MAGI1: variants seen among roughly 807,000 people sequenced by gnomAD.
The protein encoded by MAGI1 is membrane-associated guanylate kinase, WW and PDZ domain-containing protein 1.
A neutral mutation model predicts 139.9 loss-of-function variants in MAGI1; 58 were observed. That is an observed-to-expected ratio of 0.41 (90% confidence interval 0.34 to 0.52). MAGI1 has a LOEUF of 0.52. Ranked by LOEUF, MAGI1 falls within the 20% of genes least tolerant of loss-of-function variation. MAGI1 has a pLI of 0.12. For synonymous variants in MAGI1, 812 were observed against 737.9 expected (o/e 1.10, Z -1.63); for missense variants, 1,874 against 1,901.6 (o/e 0.99, Z 0.27).
chr3:65,453,197 A>G, intron 6 of MAGI1, 61 bp downstream of exon 6: 1 of 1,472,394 alleles, frequency 6.8e-7, no homozygotes, highest in Non-Finnish European at 9.5e-7. Flanking sequence ...GACTCTTTAA[A>G]ATTTGCACAT....
At chr3:65,939,004 T>C (rs1401418424) in intron 1 of MAGI1, among the ~76,000 whole-genome samples, 7 of 152,162 alleles carry the variant, frequency 4.6e-5, no homozygotes, top group African/African-American at 1.2e-4. Context: ...CCTCAGCCAC[T>C]AGAGTAAAAC....
chr3:65,596,293 C>T (rs2082192290), intron 2 of MAGI1, among the ~76,000 whole-genome samples: 1 of 152,122 alleles, frequency 6.6e-6, no homozygotes, highest in South Asian at 2.1e-4. Context: ...AGTCACAATG[C>T]CCTCATGCAA....
intron 2 of MAGI1, among the ~76,000 whole-genome samples, chr3:65,607,304 C>T (rs1160541873): frequency 6.6e-6 from 1 of 151,738 alleles, no homozygotes; most frequent in African/African-American, 2.4e-5. Context: ...CTACAGGTCA[C>T]ACCACTCCCT....
At chr3:66,010,215 C>T (rs532567614) in intron 1 of MAGI1, among the ~76,000 whole-genome samples, 61 of 151,572 alleles carry the variant, frequency 4.0e-4, no homozygotes, top group African/African-American at 1.4e-3. Flanking sequence ...CACAATAACA[C>T]TATGAAATGG....
intron 1 of MAGI1, among the ~76,000 whole-genome samples, chr3:65,741,238 G>A (rs1278446712): frequency 4.6e-5 from 7 of 151,366 alleles, no homozygotes; most frequent in Admixed American, 3.3e-4. Flanking sequence ...GCAGTGGCGC[G>A]ATCTCGGCTC....
At chr3:65,457,594 T>C (rs1292764740) in intron 5 of MAGI1, among the ~76,000 whole-genome samples, 1 of 152,162 alleles carries the variant, frequency 6.6e-6, no homozygotes, top group African/African-American at 2.4e-5. Context: ...AAATTATATT[T>C]TATTTTTGAT....
intron 1 of MAGI1, among the ~76,000 whole-genome samples, chr3:65,898,651 T>G (rs1038103654): frequency 6.6e-6 from 1 of 152,120 alleles, no homozygotes; most frequent in African/African-American, 2.4e-5. Flanking sequence ...CAAAATATAC[T>G]GACATAGAAA....
intron 1 of MAGI1, among the ~76,000 whole-genome samples, chr3:65,769,582 A>G (rs1237484054): frequency 6.6e-6 from 1 of 152,190 alleles, no homozygotes; most frequent in Non-Finnish European, 1.5e-5. Context: ...TACAAGCTGC[A>G]ATTTCACAGC....
At chr3:65,620,432 C>A (rs2083602656) in intron 2 of MAGI1, among the ~76,000 whole-genome samples, 1 of 152,112 alleles carries the variant, frequency 6.6e-6, no homozygotes, top group African/African-American at 2.4e-5. Flanking sequence ...GGAGGAATGC[C>A]TGACAGTGCA....
At chr3:65,809,889 G>GT (rs1269235426) in intron 1 of MAGI1, among the ~76,000 whole-genome samples, 14 of 151,922 alleles carry the variant, frequency 9.2e-5, no homozygotes, top group Non-Finnish European at 1.0e-4. Flanking sequence ...TTCCTCTCTA[G>GT]TGCCCTGCTA....
Position 65,447,579 on chromosome 3 carries a change from G to A in MAGI1, c.1078+443C>T, listed in dbSNP as rs376909794. Among the ~76,000 whole-genome samples the A allele has an allele frequency of 3.9e-5, 6 of 152,148 alleles. No homozygotes were observed. The East Asian group carries it at 7.7e-4, about 20-fold the overall frequency. Reference sequence around the variant, plus strand: ...CTTTTATTGCAAGTGCTCCTATAATGTTCCTTAAACTAGTCTTAATTGATT... The same window carrying A: ...CTTTTATTGCAAGTGCTCCTATAATATTCCTTAAACTAGTCTTAATTGATT... On this transcript the variant is annotated intron_variant, in intron 7 of 22. Coordinates refer to ENST00000402939, the MANE Select transcript of MAGI1 (RefSeq NM_001033057.2).
intron 1 of MAGI1, among the ~76,000 whole-genome samples, chr3:65,827,397 T>C (rs943084065): frequency 1.3e-5 from 2 of 150,850 alleles, no homozygotes; most frequent in East Asian, 1.9e-4. Flanking sequence ...CAAAGAATAT[T>C]ACAAAAAAAA....
intron 7 of MAGI1, among the ~76,000 whole-genome samples, chr3:65,443,671 C>A (rs1280631630): frequency 6.6e-6 from 1 of 151,856 alleles, no homozygotes; most frequent in African/African-American, 2.4e-5. Context: ...AAAGAAGGGA[C>A]TAGGTTGTGG....
intron 1 of MAGI1, among the ~76,000 whole-genome samples, chr3:66,030,981 T>C (rs1171113064): frequency 6.6e-6 from 1 of 152,216 alleles, no homozygotes; most frequent in Non-Finnish European, 1.5e-5. Flanking sequence ...GCAGAGTCAA[T>C]ATGATAGGAC....
intron 1 of MAGI1, among the ~76,000 whole-genome samples, chr3:65,911,902 A>T (rs2061684433): frequency 6.6e-6 from 1 of 152,160 alleles, no homozygotes; most frequent in South Asian, 2.1e-4. Flanking sequence ...TCCTCATTAT[A>T]GGTAGGGTTA....
In MAGI1 at chr3:65,353,943, A is replaced by C. The variant is rs1940097114; in HGVS notation, c.*2435T>G. The C allele has an allele frequency of 6.6e-6, 1 of 152,266 alleles. No homozygotes were observed. The highest frequency in any genetic ancestry group is 1.5e-5 in the Non-Finnish European group (1 of 68,060). 9.4% of individuals were successfully genotyped at this position (152,266 alleles called of 1,614,324 possible). ...ACCAAAAAGTCCACGGATTGAGACA[A>C]GCCCAGGTGGGTAGCACATAGATTT... On this transcript the variant is annotated 3_prime_UTR_variant, in exon 23 of 23. Coordinates refer to ENST00000402939, the MANE Select transcript of MAGI1 (RefSeq NM_001033057.2).
At chr3:65,795,696 T>TACACACACACACACACACACACACACAC (rs10527666) in intron 1 of MAGI1, among the ~76,000 whole-genome samples, 81 of 139,008 alleles carry the variant, frequency 5.8e-4, no homozygotes, top group East Asian at 1.8e-3. Context: ...GATGATAAGA[T>TACACACACACACACACACACACACACAC]ACACACACAC....
At chr3:65,531,267 T>C (rs1027693677) in intron 2 of MAGI1, among the ~76,000 whole-genome samples, 1 of 151,948 alleles carries the variant, frequency 6.6e-6, no homozygotes, top group Non-Finnish European at 1.5e-5. Context: ...ATAGCTAGGG[T>C]TGTCATCTGA....
intron 2 of MAGI1, chr3:65,597,777 G>A (rs1364783829): frequency 4.4e-6 from 2 of 456,596 alleles, no homozygotes; most frequent in African/African-American, 4.0e-5. Flanking sequence ...GGGCGGTGGA[G>A]GGGTGGCGAG....
Sources: gnomAD v4.1 joint callset for allele counts (sites outside exome capture counted in the v4.1 genomes callset) on GRCh38, gnomAD v4.1.1 for gene constraint, MANE v1.5 for transcripts, NCBI Gene and HGNC (gene_info 2026-07-23, HGNC 2026-07-21) for gene names.